Variants in IGF1 observed in about 807,000 individuals in gnomAD.
IGF1 encodes the protein insulin like growth factor 1, also known as insulin-like growth factor 1.
A neutral mutation model predicts 13.8 loss-of-function variants in IGF1; 4 were observed. The ratio of observed to expected loss-of-function variants is 0.29; its 90% CI spans 0.14 to 0.66. The LOEUF (loss-of-function observed/expected upper bound fraction) is 0.66, where lower values mean the gene tolerates loss of function less well. IGF1 is among the 30% of genes least tolerant of loss of function. IGF1 has a pLI of 0.78. For synonymous variants in IGF1, 76 were observed against 72.6 expected, an observed-to-expected ratio of 1.05 and a Z score of -0.23; for missense variants, 124 against 188.5, an observed-to-expected ratio of 0.66 and a Z score of 2.00.
At chr12:102,459,476 T>G (rs1242839508) in intron 2 of IGF1, among the ~76,000 whole-genome samples, 1 of 151,692 alleles carries the variant, frequency 6.6e-6, no homozygotes, top group African/African-American at 2.4e-5. Flanking sequence ...TGGAAGGATC[T>G]TCCAGTAAAT....
chr12:102,443,572 G>T (rs1934314713), intron 2 of IGF1, among the ~76,000 whole-genome samples: 1 of 152,120 alleles, frequency 6.6e-6, no homozygotes. Context: ...GTTTAAGCCA[G>T]TGTAATCCTG....
upstream of IGF1, among the ~76,000 whole-genome samples, chr12:102,481,275 A>G (rs1048948665): frequency 2.0e-5 from 3 of 151,022 alleles, no homozygotes; most frequent in Non-Finnish European, 4.4e-5. Context: ...TCCCCACCCC[A>G]CCACTCTGGG....
intron 2 of IGF1, among the ~76,000 whole-genome samples, chr12:102,424,953 A>G (rs1403781966): frequency 6.6e-6 from 1 of 152,188 alleles, no homozygotes; most frequent in Non-Finnish European, 1.5e-5. Context: ...ATACATTGTC[A>G]TGTGCTTAGT....
At chr12:102,426,528 G>A (rs912026501) in intron 2 of IGF1, among the ~76,000 whole-genome samples, 1 of 152,164 alleles carries the variant, frequency 6.6e-6, no homozygotes, top group Non-Finnish European at 1.5e-5. Context: ...GTAAATGAAA[G>A]GCTGTTCTCT....
chr12:102,480,297 T>C, intron 1 of IGF1, 22 bp downstream of exon 1: 1 of 1,607,556 alleles, frequency 6.2e-7, no homozygotes, highest in Non-Finnish European at 8.5e-7. Context: ...CCCAATGACT[T>C]CAAAGAGTAA....
At chr12:102,409,020 G>A (rs1047371265) in intron 3 of IGF1, among the ~76,000 whole-genome samples, 1 of 152,088 alleles carries the variant, frequency 6.6e-6, no homozygotes, top group African/African-American at 2.4e-5. Flanking sequence ...TTAAATCCTA[G>A]CTCTCCCACA....
rs549090655 is a variant in IGF1 at position 102,406,751 on chromosome 12, A to G, written c.403-4185T>C. On this transcript the variant is annotated intron_variant, in intron 3 of 3. Transcript: ENST00000337514. ...CTTCTCCCATTATCTCTTGGTTCTT[A>G]TCCAAGCTCCAAGCTTTCCTTTGGA... Among the ~76,000 whole-genome samples, 123 of 152,202 alleles carry G rather than the reference A, an allele frequency of 8.1e-4. 1 individual carries two copies. In the South Asian group the frequency reaches 0.013, roughly 17 times the overall value.
At chr12:102,405,464 G>A (rs778793313) in intron 3 of IGF1, among the ~76,000 whole-genome samples, 57 of 152,012 alleles carry the variant, frequency 3.7e-4, no homozygotes, top group Non-Finnish European at 7.2e-4. Flanking sequence ...CATCCCTAAT[G>A]TTCCCAAACT....
chr12:102,450,767 T>C (rs1878851566), intron 2 of IGF1, among the ~76,000 whole-genome samples: 1 of 152,244 alleles, frequency 6.6e-6, no homozygotes, highest in Non-Finnish European at 1.5e-5. Flanking sequence ...CTGTCTCTAG[T>C]TTTAAATCAT....
chr12:102,460,890 G>A (rs1198393204), intron 2 of IGF1, among the ~76,000 whole-genome samples: 2 of 152,146 alleles, frequency 1.3e-5, no homozygotes, highest in Non-Finnish European at 1.5e-5. Context: ...TAAAGTTCAA[G>A]TAAAAGATGT....
In IGF1 at chr12:102,402,573, A is replaced by T; in HGVS notation, c.403-7T>A. Reference sequence around the variant, plus strand: ...CGTTCTTCAAATGTACTTCCTATAAATAAAGGAGAAAAAGTGACATTAACT... The same window carrying T: ...CGTTCTTCAAATGTACTTCCTATAATTAAAGGAGAAAAAGTGACATTAACT... On this transcript the variant is annotated splice_region_variant and splice_polypyrimidine_tract_variant and intron_variant, in intron 3 of 3. Transcript: ENST00000337514. 1 of 780,658 alleles carries T rather than the reference A, an allele frequency of 1.3e-6. No individual in the cohort carries two copies. The highest frequency in any genetic ancestry group is 1.3e-5 in the South Asian group (1 of 74,614). The allele number at this position is 780,658 out of a possible 1,614,324, so 48.4% of individuals were successfully genotyped here.
intron 2 of IGF1, among the ~76,000 whole-genome samples, chr12:102,439,677 G>C (rs761606182): frequency 6.7e-6 from 1 of 150,360 alleles, no homozygotes; most frequent in Non-Finnish European, 1.5e-5. Context: ...CCTATTTTAA[G>C]GCTCATTTGG....
intron 2 of IGF1, among the ~76,000 whole-genome samples, chr12:102,439,428 G>A (rs542289055): frequency 2.0e-5 from 3 of 152,248 alleles, no homozygotes; most frequent in Non-Finnish European, 2.9e-5. Flanking sequence ...ATTTAGAAAC[G>A]AGAAGTCATT....
At chr12:102,408,396 C>CGA (rs1874352813) in intron 3 of IGF1, among the ~76,000 whole-genome samples, 1 of 152,100 alleles carries the variant, frequency 6.6e-6, no homozygotes, top group Non-Finnish European at 1.5e-5. Flanking sequence ...CCAGGCAAAG[C>CGA]GAGGGTCATG....
chr12:102,475,158 A>G (rs780167994), intron 2 of IGF1, among the ~76,000 whole-genome samples: 2 of 152,162 alleles, frequency 1.3e-5, no homozygotes, highest in African/African-American at 2.4e-5. Context: ...GTGATTTCAT[A>G]TTGAATGGAG....
intron 3 of IGF1, chr12:102,417,614 T>TA: frequency 7.5e-7 from 1 of 1,333,998 alleles, no homozygotes; most frequent in Non-Finnish European, 9.5e-7. Flanking sequence ...TTGCGCTTTC[T>TA]AGGGCATTAC....
At position 102,398,364 on chromosome 12, in the gene IGF1, A is replaced by C. The variant is rs1003810570; in HGVS notation, c.*4143T>G. ...GGCAGAAGCTATTTTTTGCAGGTAA[A>C]TCTATGTATTTTTTCTCTTTGTTCT... On this transcript the variant is annotated 3_prime_UTR_variant, in exon 4 of 4. Coordinates refer to ENST00000337514, the MANE Select transcript of IGF1 (RefSeq NM_000618.5). 6.6e-6 allele frequency: 1 copy of C among 152,382 alleles called. No individual in the cohort carries two copies. The highest frequency in any genetic ancestry group is 1.5e-5 in the Non-Finnish European group (1 of 68,016). The allele number at this position is 152,382 out of a possible 1,614,324, so 9.4% of individuals were successfully genotyped here.
chr12:102,416,100 A>G (rs914472822), intron 3 of IGF1, among the ~76,000 whole-genome samples: 1 of 152,228 alleles, frequency 6.6e-6, no homozygotes, highest in Non-Finnish European at 1.5e-5. Context: ...TGGAGTAAAA[A>G]GCATGGCAGA....
intron 3 of IGF1, among the ~76,000 whole-genome samples, chr12:102,407,157 C>T (rs6539035): frequency 0.78 from 111,440 of 142,272 alleles, 42,727 homozygotes; most frequent in Admixed American, 0.85. Flanking sequence ...CTAATAACAA[C>T]GGCAATAATA....
Sources: gnomAD v4.1 joint callset for allele counts (sites outside exome capture counted in the v4.1 genomes callset) on GRCh38, gnomAD v4.1.1 for gene constraint, MANE v1.5 for transcripts, NCBI Gene and HGNC (gene_info 2026-07-23, HGNC 2026-07-21) for gene names.